Variants in GEMIN5 observed in about 807,000 individuals in gnomAD.
GEMIN5 encodes the protein gem nuclear organelle associated protein 5.
GEMIN5 carries 124 observed loss-of-function variants against 176.9 expected under a neutral mutation model. That is an observed-to-expected ratio of 0.70 (90% CI 0.61 to 0.81). GEMIN5 has a LOEUF of 0.81. Ranked by LOEUF, GEMIN5 falls within the 40% of genes least tolerant of loss-of-function variation. GEMIN5 has a pLI of 0.00. For synonymous variants in GEMIN5, 673 were observed against 665.2 expected (o/e 1.01, Z -0.18); for missense variants, 1,843 against 1,814.6 (o/e 1.02, Z -0.28).
chr5:154,903,110 C>A lies in GEMIN5; in HGVS notation c.2698G>T (p.Ala900Ser), dbSNP rs773518270. ...ATATCAATCATTCTATACAGGGTAG[C>A]CCTGTCTGTGAAAAGCCCCAGATGA... Reference protein sequence around the residue: ...RFHLGLFTDRATLYRMIDIEG... With the variant: ...RFHLGLFTDRSTLYRMIDIEG... The change falls in exon 19 of 28, where the codon GCT (alanine) becomes TCT (serine). Residue 900 changes from alanine (A) to serine (S), a missense_variant. Physicochemically the swap from Ala to Ser is moderately conservative, Grantham distance 99. Coordinates refer to ENST00000285873, the MANE Select transcript of GEMIN5 (RefSeq NM_015465.5). 1.6e-5 allele frequency: 26 copies of A among 1,608,412 alleles called. No individual in the cohort carries two copies. In the Admixed American group the frequency reaches 4.2e-4, roughly 26 times the overall value.
At chr5:154,930,285 C>T (rs1053581248) in intron 5 of GEMIN5, among the ~76,000 whole-genome samples, 19 of 152,232 alleles carry the variant, frequency 1.2e-4, no homozygotes, top group Non-Finnish European at 2.1e-4. Context: ...CCACATGCGT[C>T]AGGGATAAGA....
In GEMIN5 at chr5:154,899,207, C is replaced by T. The variant is rs1382036612; in HGVS notation, c.3118G>A (p.Ala1040Thr). The stretch of plus-strand genomic sequence containing the variant: ...CAGGCTTACCATTTGGCAGCTACAG[C>T]ATAGTGGCCATCTCTTTCTAGGACG... ...GTVLERDGHY[A>T]VAAKCYLGAT... The change falls in exon 22 of 28, where the codon GCT becomes ACT. Residue 1040 changes from alanine to threonine, a missense_variant. Ala to Thr is a moderately conservative substitution (Grantham distance 58). Transcript: ENST00000285873. 1.9e-6 allele frequency: 3 copies of T among 1,612,056 alleles called. No individual in the cohort carries two copies. The highest frequency in any genetic ancestry group is 1.7e-5 in the Admixed American group (1 of 59,824).
intron 15 of GEMIN5, among the ~76,000 whole-genome samples, chr5:154,908,622 G>A (rs1763625740): frequency 6.6e-6 from 1 of 152,174 alleles, no homozygotes; most frequent in South Asian, 2.1e-4. Flanking sequence ...AACTTCTGAA[G>A]ATTACAAGAC....
intron 1 of GEMIN5, among the ~76,000 whole-genome samples, 185 bp downstream of exon 1, chr5:154,937,783 G>A (rs1010549135): frequency 9.9e-5 from 15 of 152,156 alleles, no homozygotes; most frequent in African/African-American, 3.1e-4. Context: ...GGACCGCTCG[G>A]CCACAGCATG....
intron 24 of GEMIN5, among the ~76,000 whole-genome samples, chr5:154,894,183 G>A (rs571302183): frequency 6.6e-6 from 1 of 152,052 alleles, no homozygotes; most frequent in African/African-American, 2.4e-5. Context: ...GAGCTCAAGC[G>A]ATCCACCCGC....
At position 154,891,258 on chromosome 5, in the gene GEMIN5, G is replaced by A. The variant is rs1199473377; in HGVS notation, c.4245C>T (p.Cys1415=). The change falls in exon 26 of 28, where the codon TGC becomes TGT. Residue 1415 remains cysteine, a synonymous_variant. Transcript: ENST00000285873. ...GTACTTACCACTGGCTCTGAGAACT[G>A]CAGAGGGGCTGCTCTGCTTCTACTT... ...EPEVEAEQPL[C]SSQSQCKEEK... The A allele has an allele frequency of 5.6e-6, 9 of 1,613,340 alleles. No individual in the cohort carries two copies. The African/African-American group carries it at 6.7e-5, about 12-fold the overall frequency.
rs1404416537 is a variant in GEMIN5 at position 154,913,003 on chromosome 5, G to A, written c.1891C>T (p.Pro631Ser). 2 of 1,613,562 alleles carry A rather than the reference G, an allele frequency of 1.2e-6. No homozygotes were observed. Among genetic ancestry groups the A allele is most frequent in the Admixed American group, 1.7e-5 (1 of 60,012 alleles). The change falls in exon 14 of 28, where the codon CCC (proline) becomes TCC (serine). Residue 631 changes from proline (P) to serine (S), a missense_variant. Pro to Ser is a moderately conservative substitution (Grantham distance 74). Coordinates refer to ENST00000285873, the MANE Select transcript of GEMIN5 (RefSeq NM_015465.5). ...SPESPVTITE[P>S]YRTLSGHTAK... is the part of the protein sequence containing the mutation. ...GTATGCCCTGAGAGGGTCCGGTAGG[G>A]CTCTGTAATGGTCACTGGAGACTCA...
intron 6 of GEMIN5, among the ~76,000 whole-genome samples, 178 bp downstream of exon 6, chr5:154,928,349 A>G (rs1764087988): frequency 6.6e-6 from 1 of 152,216 alleles, no homozygotes. Context: ...GACTATACTT[A>G]TGTGATCTTT....
intron 24 of GEMIN5, 87 bp downstream of exon 24, chr5:154,896,005 C>CT: frequency 6.8e-7 from 1 of 1,478,786 alleles, no homozygotes; most frequent in Non-Finnish European, 9.3e-7. Context: ...GTCCAGTATT[C>CT]TGCTTGTTTC....
rs758890123 is a variant in GEMIN5 at position 154,911,747 on chromosome 5, T to C, written c.2147A>G (p.Asp716Gly). The C allele has an allele frequency of 6.2e-7, 1 of 1,613,798 alleles. No homozygotes were observed. Among genetic ancestry groups the C allele is most frequent in the Non-Finnish European group, 8.5e-7 (1 of 1,179,850 alleles). ...CTGACCTTGAGGAGGCCGGGAATGA[T>C]CTTGCATGGAAGTGAGCCACTTGTG... is the stretch of plus-strand genomic sequence containing the variant. ...CVHKWLTSMQ[D>G]HSRPPQGKKS... The change falls in exon 15 of 28, where the codon GAT becomes GGT. Residue 716 changes from aspartate to glycine, a missense_variant. Asp to Gly is a moderately conservative substitution (Grantham distance 94). Coordinates refer to ENST00000285873, the MANE Select transcript of GEMIN5 (RefSeq NM_015465.5).
intron 24 of GEMIN5, among the ~76,000 whole-genome samples, chr5:154,893,971 G>A (rs1763294571): frequency 6.6e-6 from 1 of 152,038 alleles, no homozygotes; most frequent in Admixed American, 6.6e-5. Context: ...TTGAGACAGG[G>A]TCTCATTCTC....
chr5:154,927,616 CAG>C (rs1764073846), intron 6 of GEMIN5, 66 bp from the exon 7 acceptor site: 2 of 1,256,598 alleles, frequency 1.6e-6, no homozygotes, highest in South Asian at 1.4e-5. Context: ...ACTGTTGAGA[CAG>C]AGTCTGGGCT....
intron 23 of GEMIN5, 50 bp from the exon 24 acceptor site, chr5:154,896,393 G>A (rs768044103): frequency 1.3e-6 from 2 of 1,508,834 alleles, no homozygotes; most frequent in Non-Finnish European, 1.8e-6. Flanking sequence ...GAAAGCACTG[G>A]ATGATCTCGA....
chr5:154,909,031 G>C (rs1763635493), intron 15 of GEMIN5, among the ~76,000 whole-genome samples: 1 of 151,762 alleles, frequency 6.6e-6, no homozygotes, highest in Non-Finnish European at 1.5e-5. Context: ...CTCCGTTCAC[G>C]GCAGCCTTAC....
intron 5 of GEMIN5, among the ~76,000 whole-genome samples, chr5:154,930,351 G>A (rs757713427): frequency 1.3e-5 from 2 of 152,174 alleles, no homozygotes; most frequent in African/African-American, 2.4e-5. Flanking sequence ...CTGTAAGGGC[G>A]CACCCTTCTA....
chr5:154,907,458 A>AAAAAAAAC (rs1473864306), intron 16 of GEMIN5, 133 bp downstream of exon 16: 59 of 649,634 alleles, frequency 9.1e-5, no homozygotes, highest in Admixed American at 2.9e-4. Flanking sequence ...ATAAAGCTTA[A>AAAAAAAAC]CAAAAAAAAC....
At position 154,912,904 on chromosome 5, in the gene GEMIN5, C is replaced by T. The variant is rs1260769180; in HGVS notation, c.1990G>A (p.Ala664Thr). The part of the protein sequence containing the change: ...RLVSASYDGT[A>T]QVWDALREEP... ...GGACAAGGACACAATAGTACCTGGG[C>T]TGTACCATCATAGGAAGCAGATACC... The change falls in exon 14 of 28, where the codon GCC (alanine) becomes ACC (threonine). Residue 664 changes from alanine to threonine, a missense_variant. By Grantham distance (58) the Ala-to-Thr change is moderately conservative. Coordinates refer to ENST00000285873, the MANE Select transcript of GEMIN5 (RefSeq NM_015465.5). 2 of 1,613,196 alleles carry T rather than the reference C, an allele frequency of 1.2e-6. No individual in the cohort carries two copies. The highest frequency in any genetic ancestry group is 1.7e-6 in the Non-Finnish European group (2 of 1,179,494).
chr5:154,902,567 T>C lies in GEMIN5; in HGVS notation c.2838A>G (p.Thr946=), dbSNP rs149927915. Residue 946 remains threonine, a synonymous_variant, in exon 20 of 28, where the codon ACA becomes ACG. Transcript: ENST00000285873. ...CTGGTGCCATAGCCACAAGGTTGTCTGTCAGCTCCCCTCTTTCTGCTGCAG... is the reference window on the plus strand; with the variant it reads ...CTGGTGCCATAGCCACAAGGTTGTCCGTCAGCTCCCCTCTTTCTGCTGCAG... ...LQTAAERGEL[T]DNLVAMAPAA... 1.2e-5 allele frequency: 20 copies of C among 1,614,172 alleles called. No individual in the cohort carries two copies. In the African/African-American group the frequency reaches 1.9e-4, roughly 15 times the overall value.
At chr5:154,924,224 T>C (rs934211796) in intron 9 of GEMIN5, among the ~76,000 whole-genome samples, 1 of 152,222 alleles carries the variant, frequency 6.6e-6, no homozygotes, top group African/African-American at 2.4e-5. Context: ...TAGTGGAGAA[T>C]GTAGTTCTAG....
Sources: allele counts gnomAD v4.1 joint callset (sites outside exome capture counted in the v4.1 genomes callset), GRCh38; gene constraint gnomAD v4.1.1; transcripts MANE v1.5; gene names NCBI Gene and HGNC (gene_info 2026-07-23, HGNC 2026-07-21).